Variants in NBR1 observed in about 807,000 individuals in gnomAD.
NBR1 encodes the protein NBR1 autophagy cargo receptor.
A neutral mutation model predicts 115.5 loss-of-function variants in NBR1; 59 were observed. The ratio of observed to expected loss-of-function variants is 0.51; its 90% CI spans 0.41 to 0.63. The LOEUF (loss-of-function observed/expected upper bound fraction) is 0.63. Ranked by LOEUF, NBR1 falls within the 30% of genes least tolerant of loss-of-function variation. The pLI is 0.00. For missense variants in NBR1, 1,043 were observed against 1,150.5 expected (o/e 0.91, Z 1.35); for synonymous variants, 373 against 414.7 (o/e 0.90, Z 1.22).
intron 9 of NBR1, 144 bp downstream of exon 9, chr17:43,190,920 T>C: frequency 1.2e-6 from 1 of 839,930 alleles, no homozygotes; most frequent in Non-Finnish European, 1.8e-6. Flanking sequence ...TTATCCAAAG[T>C]TAGTGAAATA....
At chr17:43,175,323 A>G (rs1008222488) in intron 1 of NBR1, among the ~76,000 whole-genome samples, 2 of 152,204 alleles carry the variant, frequency 1.3e-5, no homozygotes, top group East Asian at 1.9e-4. Flanking sequence ...CAAGAATACA[A>G]GTTCCCTGAG....
chr17:43,196,402 A>G (rs2057068328), intron 14 of NBR1, 79 bp from the exon 15 acceptor site: 2 of 862,000 alleles, frequency 2.3e-6, no homozygotes, highest in Non-Finnish European at 3.5e-6. Context: ...GAAGCCTACA[A>G]ACTGCTACTT....
In NBR1 at chr17:43,190,433, AGT is replaced by A; in HGVS notation, c.696-173_696-172del. The A allele has an allele frequency of 4.6e-6, 3 of 647,980 alleles. No homozygotes were observed. The Middle Eastern group carries it at 7.8e-4, about 169-fold the overall frequency. 40.1% of individuals were successfully genotyped at this position (647,980 alleles called of 1,614,324 possible). On this transcript the variant is annotated intron_variant, in intron 8 of 20. Transcript: ENST00000590996. ...TTTCATTTAAAATGGATATGGGTTAAGTGTTATTATCCTCATTTTATTAATGA... is the reference window on the plus strand; with the variant it reads ...TTTCATTTAAAATGGATATGGGTTAAGTTATTATCCTCATTTTATTAATGA...
Position 43,175,687 on chromosome 17 carries a change from A to G in NBR1, c.-9-104A>G. 8 of 595,582 alleles carry G rather than the reference A, an allele frequency of 1.3e-5. 2 individuals carry two copies. The South Asian group carries it at 1.8e-4, about 14-fold the overall frequency. The allele number at this position is 595,582 out of a possible 1,614,324, so 36.9% of individuals were successfully genotyped here. ...CATTGCTGTCTCCCAAGCCCAGCCC[A>G]TATTGGGTCCTCACAAGTATTTGCT... On this transcript the variant is annotated intron_variant, in intron 1 of 20. Transcript: ENST00000590996.
rs189228185 is a variant in NBR1, at chr17:43,211,632, T to G, written c.*1558T>G. On this transcript the variant is annotated 3_prime_UTR_variant, in exon 21 of 21. Transcript: ENST00000590996. ...CCCGGGTTGCTCTCCTGGTTATGTA[T>G]GTACTTGTACATAACCACCTAAAGA... 6.6e-6 allele frequency: 1 copy of G among 152,366 alleles called. No homozygotes were observed. Among genetic ancestry groups the G allele is most frequent in the Non-Finnish European group, 1.5e-5 (1 of 68,030 alleles). 9.4% of individuals were successfully genotyped at this position (152,366 alleles called of 1,614,324 possible).
Position 43,200,226 on chromosome 17 carries a change from G to A in NBR1, c.2086G>A (p.Ala696Thr), listed in dbSNP as rs1489490466. 8 of 1,551,818 alleles carry A rather than the reference G, an allele frequency of 5.2e-6. No individual in the cohort carries two copies. The highest frequency in any genetic ancestry group is 2.7e-5 in the African/African-American group (2 of 73,160). The change falls in exon 17 of 21, where the codon GCT (alanine) becomes ACT (threonine). Residue 696 changes from alanine (A) to threonine (T), a missense_variant. Transcript: ENST00000590996. ...TGAGAAGGAGGAGATTATCCATATCGCTGAGGAAGAAGCTGTCATGGAGGA... is the reference window on the plus strand; with the variant it reads ...TGAGAAGGAGGAGATTATCCATATCACTGAGGAAGAAGCTGTCATGGAGGA... ...GNEKEEIIHI[A>T]EEEAVMEEEE...
intron 6 of NBR1, among the ~76,000 whole-genome samples, chr17:43,187,818 A>G (rs1186985462): frequency 6.8e-6 from 1 of 146,632 alleles, no homozygotes; most frequent in Non-Finnish European, 1.5e-5. Context: ...CTGTTTCCTG[A>G]CTTTTTAATG....
chr17:43,193,990 C>A (rs1349482222), intron 12 of NBR1, among the ~76,000 whole-genome samples: 1 of 152,188 alleles, frequency 6.6e-6, no homozygotes. Flanking sequence ...CTGAAATACC[C>A]TGTGTATGTT....
At position 43,210,462 on chromosome 17, in the gene NBR1, T is replaced by C. The variant is rs1024660794; in HGVS notation, c.*388T>C. 5.0e-6 allele frequency: 2 copies of C among 397,210 alleles called. No homozygotes were observed. Among genetic ancestry groups the C allele is most frequent in the African/African-American group, 4.1e-5 (2 of 48,600 alleles). The allele number at this position is 397,210 out of a possible 1,614,324, so 24.6% of individuals were successfully genotyped here. On this transcript the variant is annotated 3_prime_UTR_variant, in exon 21 of 21. Coordinates refer to ENST00000590996, the MANE Select transcript of NBR1 (RefSeq NM_005899.5). ...GTTAATTTTCAGGTTTTGAAAGACA[T>C]TAACCTCGGAAGTTGTTTTTAAGAA...
chr17:43,192,612 A>G (rs1011353406), intron 10 of NBR1, among the ~76,000 whole-genome samples: 4 of 151,256 alleles, frequency 2.6e-5, no homozygotes, highest in East Asian at 2.0e-4. Context: ...CTCGTGATCT[A>G]TCTGCCTTGG....
rs770527285 is a variant in NBR1 at position 43,200,636 on chromosome 17, G to A, written c.2468+28G>A. ...ACCACTCACAGCCCCCTCAGCTGGG[G>A]TGTTCTTCAGAGGTGAAATAAAGAG... On this transcript the variant is annotated intron_variant, in intron 17 of 20. Coordinates refer to ENST00000590996, the MANE Select transcript of NBR1 (RefSeq NM_005899.5). The A allele has an allele frequency of 2.6e-6, 4 of 1,560,450 alleles. No homozygotes were observed. The East Asian group carries it at 9.0e-5, about 35-fold the overall frequency.
At chr17:43,196,452 T>C (rs2057069734) in intron 14 of NBR1, 29 bp from the exon 15 acceptor site, 1 of 1,344,618 alleles carries the variant, frequency 7.4e-7, no homozygotes, top group Non-Finnish European at 1.0e-6. Flanking sequence ...TTTCTCTTGA[T>C]TGATGGTTCT....
In NBR1 at chr17:43,194,500, G is replaced by C. The variant is rs1393020763; in HGVS notation, c.1674+1G>C. ...ATCTGTGGATCTTCTGACTGCCCAGGTGGAAGATTCAGCACTTTGAAGGGC... is the reference window on the plus strand; with the variant it reads ...ATCTGTGGATCTTCTGACTGCCCAGCTGGAAGATTCAGCACTTTGAAGGGC... On this transcript the variant is annotated splice_donor_variant, in intron 13 of 20. Transcript: ENST00000590996. LOFTEE classifies it high-confidence loss of function. 1 of 1,613,834 alleles carries C rather than the reference G, an allele frequency of 6.2e-7. No individual in the cohort carries two copies. Among genetic ancestry groups the C allele is most frequent in the Non-Finnish European group, 8.5e-7 (1 of 1,179,792 alleles).
chr17:43,180,904 C>A, intron 5 of NBR1, 87 bp downstream of exon 5: 1 of 1,186,156 alleles, frequency 8.4e-7, no homozygotes, highest in Non-Finnish European at 1.1e-6. Flanking sequence ...TGAGGTTGTG[C>A]TCTGTCATCC....
chr17:43,209,777 A>G (rs972755257), intron 20 of NBR1, 124 bp from the exon 21 acceptor site: 5 of 1,472,054 alleles, frequency 3.4e-6, no homozygotes, highest in Non-Finnish European at 4.5e-6. Flanking sequence ...GAATCTAATT[A>G]CCTAGTACTT....
intron 6 of NBR1, among the ~76,000 whole-genome samples, chr17:43,187,570 G>A (rs1417438797): frequency 2.2e-5 from 3 of 139,416 alleles, no homozygotes; most frequent in Admixed American, 1.6e-4. Flanking sequence ...GTACAGTGGC[G>A]TGATCTTGGC....
At chr17:43,197,281 A>T (rs1010241244) in intron 16 of NBR1, among the ~76,000 whole-genome samples, 175 bp downstream of exon 16, 13 of 152,204 alleles carry the variant, frequency 8.5e-5, no homozygotes, top group African/African-American at 3.1e-4. Flanking sequence ...GCACTTTGGG[A>T]GGCCAAGGCA....
At chr17:43,192,074 G>A (rs947102177) in intron 10 of NBR1, among the ~76,000 whole-genome samples, 1 of 136,440 alleles carries the variant, frequency 7.3e-6, no homozygotes, top group African/African-American at 2.7e-5. Flanking sequence ...AGGCTGGAGT[G>A]CAGTGGCATG....
chr17:43,190,565 C>G, intron 8 of NBR1, 44 bp from the exon 9 acceptor site: 1 of 1,546,512 alleles, frequency 6.5e-7, no homozygotes, highest in Non-Finnish European at 8.7e-7. Context: ...ACCCCAGGTA[C>G]TTCCTATTCT....
Sources: gnomAD v4.1 joint callset for allele counts (sites outside exome capture counted in the v4.1 genomes callset) on GRCh38, gnomAD v4.1.1 for gene constraint, MANE v1.5 for transcripts, NCBI Gene and HGNC (gene_info 2026-07-23, HGNC 2026-07-21) for gene names.